The following TSPAN12 variants were observed in gnomAD, a reference collection of about 807,000 sequenced individuals.
TSPAN12 encodes the protein tetraspanin 12, also known as tetraspanin-12.
In TSPAN12, 19 loss-of-function variants were observed where a neutral mutation model predicts 39.2. That is an observed-to-expected ratio of 0.49 (90% confidence interval 0.34 to 0.71). The LOEUF is 0.71. Among genes scored for constraint, TSPAN12 ranks in the 30% least tolerant of loss-of-function variants. The probability of loss-of-function intolerance (pLI) is 0.01; values close to 1 mark genes in which losing one functional copy is unlikely to be tolerated. For missense variants in TSPAN12, 314 were observed against 359.9 expected (o/e 0.87, Z 1.03); for synonymous variants, 119 against 124.8 (o/e 0.95, Z 0.31).
chr7:120,837,156 TTTTG>T (rs1310527198), intron 4 of TSPAN12, among the ~76,000 whole-genome samples: 1 of 152,198 alleles, frequency 6.6e-6, no homozygotes, highest in East Asian at 1.9e-4. Context: ...AAGTAAGTCC[TTTTG>T]TTTATGTTTA....
At chr7:120,838,512 G>A (rs1475145466) in intron 4 of TSPAN12, among the ~76,000 whole-genome samples, 2 of 152,066 alleles carry the variant, frequency 1.3e-5, no homozygotes, top group East Asian at 3.9e-4. Flanking sequence ...ATAACTACAA[G>A]GACACTAGAA....
chr7:120,852,825 T>A (rs1014040861), intron 2 of TSPAN12, among the ~76,000 whole-genome samples: 1 of 152,168 alleles, frequency 6.6e-6, no homozygotes, highest in African/African-American at 2.4e-5. Flanking sequence ...GTTATTGAAC[T>A]ACTGAGTACC....
chr7:120,835,541 TAGGC>T, intron 4 of TSPAN12, among the ~76,000 whole-genome samples: 1 of 152,188 alleles, frequency 6.6e-6, no homozygotes, highest in Non-Finnish European at 1.5e-5. Context: ...TGTGTAGACT[TAGGC>T]AACTCACTTA....
chr7:120,835,223 T>C (rs1794454783), intron 4 of TSPAN12, among the ~76,000 whole-genome samples: 1 of 152,148 alleles, frequency 6.6e-6, no homozygotes, highest in Admixed American at 6.5e-5. Flanking sequence ...AAAAGTCTAT[T>C]AGAGACATCA....
intron 7 of TSPAN12, among the ~76,000 whole-genome samples, chr7:120,800,741 A>G (rs1327301932): frequency 8.5e-6 from 1 of 117,696 alleles, no homozygotes; most frequent in African/African-American, 3.0e-5. Context: ...AGTTTTCCTT[A>G]TCGTTTTTTT....
intron 7 of TSPAN12, among the ~76,000 whole-genome samples, chr7:120,799,278 G>A (rs1793693204): frequency 1.3e-5 from 2 of 151,314 alleles, no homozygotes; most frequent in East Asian, 1.9e-4. Context: ...ATAACTAGGT[G>A]GAGCTTGCCA....
intron 7 of TSPAN12, among the ~76,000 whole-genome samples, chr7:120,805,993 GT>G (rs1793864019): frequency 6.6e-6 from 1 of 152,076 alleles, no homozygotes; most frequent in African/African-American, 2.4e-5. Flanking sequence ...ACACAAGTAT[GT>G]AAATTTCCTG....
chr7:120,801,631 G>A (rs926316537), intron 7 of TSPAN12, among the ~76,000 whole-genome samples: 1 of 152,144 alleles, frequency 6.6e-6, no homozygotes, highest in Non-Finnish European at 1.5e-5. Flanking sequence ...TTTAGTTGAC[G>A]TTCTGTCCCT....
At chr7:120,839,503 G>A (rs1794539073) in intron 3 of TSPAN12, among the ~76,000 whole-genome samples, 1 of 152,012 alleles carries the variant, frequency 6.6e-6, no homozygotes, top group Non-Finnish European at 1.5e-5. Context: ...CCTGTGTTAA[G>A]GACTTGAAAA....
At chr7:120,841,497 T>C (rs1327588729) in intron 2 of TSPAN12, among the ~76,000 whole-genome samples, 1 of 152,206 alleles carries the variant, frequency 6.6e-6, no homozygotes, top group Non-Finnish European at 1.5e-5. Context: ...GTGCAATACA[T>C]TGACCTGGTT....
chr7:120,854,835 C>T (rs141662763), intron 2 of TSPAN12, among the ~76,000 whole-genome samples: 8 of 152,038 alleles, frequency 5.3e-5, no homozygotes, highest in Admixed American at 6.6e-5. Flanking sequence ...TTTGTTGAAG[C>T]GTAGGTGATA....
intron 2 of TSPAN12, among the ~76,000 whole-genome samples, chr7:120,842,448 TA>T (rs10585886): frequency 0.016 from 2,064 of 130,700 alleles, 15 homozygotes; most frequent in South Asian, 0.032. Context: ...TACAAACTGT[TA>T]AAAAAAAAAA....
At chr7:120,834,184 A>C (rs1427054660) in intron 4 of TSPAN12, among the ~76,000 whole-genome samples, 1 of 152,218 alleles carries the variant, frequency 6.6e-6, no homozygotes, top group Non-Finnish European at 1.5e-5. Flanking sequence ...ATTTAAATTT[A>C]AATTTCAATG....
At chr7:120,840,655 C>T (rs534106603) in intron 2 of TSPAN12, among the ~76,000 whole-genome samples, 1 of 152,248 alleles carries the variant, frequency 6.6e-6, no homozygotes. Flanking sequence ...AGTATATAAA[C>T]TCATAATGAA....
Position 120,788,686 on chromosome 7 carries a change from G to A in TSPAN12, c.824C>T (p.Ser275Leu). ...CAGGCTTGGTTTCAACAGTTCTACTGAGGGACATGACAGGTGCTGAGAGTT... is the reference window on the plus strand; with the variant it reads ...CAGGCTTGGTTTCAACAGTTCTACTAAGGGACATGACAGGTGCTGAGAGTT... The part of the protein sequence containing the change: ...NDNSQHLSCP[S>L]VELLKPSLSR... Residue 275 changes from serine (S) to leucine (L), a missense_variant, in exon 8 of 8, where the codon TCA (serine) becomes TTA (leucine). Coordinates refer to ENST00000222747, the MANE Select transcript of TSPAN12 (RefSeq NM_012338.4). 6.2e-7 allele frequency: 1 copy of A among 1,614,144 alleles called. No individual in the cohort carries two copies. The highest frequency in any genetic ancestry group is 8.5e-7 in the Non-Finnish European group (1 of 1,180,012).
intron 5 of TSPAN12, among the ~76,000 whole-genome samples, chr7:120,813,018 T>C (rs1445744282): frequency 6.6e-6 from 1 of 152,144 alleles, no homozygotes; most frequent in Non-Finnish European, 1.5e-5. Flanking sequence ...CCACTATCAA[T>C]CTGAGACCAA....
At chr7:120,844,731 T>C (rs1470426703) in intron 2 of TSPAN12, among the ~76,000 whole-genome samples, 1 of 152,230 alleles carries the variant, frequency 6.6e-6, no homozygotes, top group Non-Finnish European at 1.5e-5. Flanking sequence ...CTGTGGTTGC[T>C]TTCTTTCACA....
chr7:120,841,007 G>A (rs764344876), intron 2 of TSPAN12, among the ~76,000 whole-genome samples: 1 of 152,156 alleles, frequency 6.6e-6, no homozygotes, highest in Non-Finnish European at 1.5e-5. Flanking sequence ...CTAATTCTAG[G>A]GAGTAGGGCT....
chr7:120,828,927 T>C (rs1045954668), intron 4 of TSPAN12, among the ~76,000 whole-genome samples: 5 of 152,160 alleles, frequency 3.3e-5, no homozygotes, highest in African/African-American at 1.2e-4. Context: ...AAAATTCTGT[T>C]ATTTCATTAA....
Sources: gnomAD v4.1 joint callset for allele counts (sites outside exome capture counted in the v4.1 genomes callset) on GRCh38, gnomAD v4.1.1 for gene constraint, MANE v1.5 for transcripts, NCBI Gene and HGNC (gene_info 2026-07-23, HGNC 2026-07-21) for gene names.